The following RBFOX1 variants were observed in gnomAD, a reference collection of about 807,000 sequenced individuals.
RBFOX1 encodes the protein RNA binding fox-1 homolog 1.
Under a neutral mutation model 57.7 loss-of-function variants are expected in RBFOX1, and 8 were observed. That is an observed-to-expected ratio of 0.14 (90% CI 0.08 to 0.25). RBFOX1 has a LOEUF of 0.25. RBFOX1 is among the 10% of genes least tolerant of loss of function. The probability of loss-of-function intolerance (pLI) is 1.00; values close to 1 mark genes in which losing one functional copy is unlikely to be tolerated. For missense variants in RBFOX1, 611 were observed against 548.5 expected, an observed-to-expected ratio of 1.11 and a Z score of -1.14; for synonymous variants, 326 against 222.4, an observed-to-expected ratio of 1.47 and a Z score of -4.15.
intron 2 of RBFOX1, among the ~76,000 whole-genome samples, chr16:6,344,040 C>T (rs909306537): frequency 3.9e-5 from 6 of 152,018 alleles, no homozygotes; most frequent in African/African-American, 1.4e-4. Context: ...ATCAGTCCTT[C>T]TTCATCTCTA....
At chr16:7,232,879 G>T (rs1051639824) in intron 4 of RBFOX1, among the ~76,000 whole-genome samples, 9 of 149,904 alleles carry the variant, frequency 6.0e-5, no homozygotes, top group African/African-American at 2.0e-4. Flanking sequence ...AAAGAATGAG[G>T]TAACAGAAAC....
chr16:7,269,069 A>G (rs1393724297), intron 4 of RBFOX1, among the ~76,000 whole-genome samples: 1 of 143,776 alleles, frequency 7.0e-6, no homozygotes, highest in South Asian at 2.2e-4. Flanking sequence ...AAAAAAAAAA[A>G]AGAATCAGCC....
At chr16:6,773,567 T>G (rs961855811) in intron 3 of RBFOX1, among the ~76,000 whole-genome samples, 19 of 146,876 alleles carry the variant, frequency 1.3e-4, no homozygotes, top group African/African-American at 4.9e-4. Context: ...TGTGTGTATG[T>G]GTGGGTGTGG....
At position 6,246,270 on chromosome 16, in the gene RBFOX1, C is replaced by A. The variant is rs113970601; in HGVS notation, c.-126-70725C>A. ...GGAGTTTCTGGGACATTCTCTCTTG[C>A]CAATATCTACTTGTTTCCAGCTCTT... On this transcript the variant is annotated intron_variant, in intron 1 of 15. Transcript: ENST00000550418. Among the ~76,000 whole-genome samples the A allele has an allele frequency of 6.0e-3, 908 of 152,256 alleles. 10 individuals carry two copies. Among genetic ancestry groups the A allele is most frequent in the African/African-American group, 0.02 (844 of 41,538 alleles).
intron 1 of RBFOX1, among the ~76,000 whole-genome samples, chr16:6,049,392 A>G (rs1045383832): frequency 3.3e-5 from 5 of 152,192 alleles, no homozygotes; most frequent in African/African-American, 1.2e-4. Context: ...AGCCTGAAGA[A>G]TCACCTTCTT....
At chr16:7,482,381 T>A (rs966245794) in intron 4 of RBFOX1, among the ~76,000 whole-genome samples, 1 of 152,158 alleles carries the variant, frequency 6.6e-6, no homozygotes, top group Non-Finnish European at 1.5e-5. Flanking sequence ...TCCGCACAGC[T>A]GACAGTGATT....
At position 5,737,800 on chromosome 16, in the gene RBFOX1, T is replaced by C. The variant is rs148667435; in HGVS notation, c.319-129503T>C. Among the ~76,000 whole-genome samples the C allele has an allele frequency of 8.6e-4, 131 of 152,278 alleles. 1 individual carries two copies. Among genetic ancestry groups the C allele is most frequent in the African/African-American group, 2.9e-3 (120 of 41,572 alleles). On this transcript the variant is annotated intron_variant, in intron 3 of 19. Coordinates refer to the RBFOX1 transcript ENST00000641259. ...ATGACATGGAGTAATGTCTGAATTATATCTCAATAAAGTCTGGTTTTAAAA... is the reference window on the plus strand; with the variant it reads ...ATGACATGGAGTAATGTCTGAATTACATCTCAATAAAGTCTGGTTTTAAAA...
At chr16:5,304,433 G>A (rs922413935) in intron 1 of RBFOX1, among the ~76,000 whole-genome samples, 1 of 152,104 alleles carries the variant, frequency 6.6e-6, no homozygotes, top group Non-Finnish European at 1.5e-5. Flanking sequence ...AACCTGATTG[G>A]GGCAACTGCG....
In RBFOX1 at chr16:5,390,298, T is replaced by C. The variant is rs959443976; in HGVS notation, c.220-76918T>C. On this transcript the variant is annotated intron_variant, in intron 1 of 2. Transcript: ENST00000585867. ...AAAAGTAGTTTTTTTTTTCTTTTTT[T>C]TTTTTTTTTAAAGACAGTGTTGCTG... Among the ~76,000 whole-genome samples the C allele has an allele frequency of 5.9e-5, 9 of 151,376 alleles. No homozygotes were observed. The South Asian group carries it at 8.3e-4, about 14-fold the overall frequency.
chr16:5,867,317 G>A, exon 4 of RBFOX1: 1 of 1,210,702 alleles, frequency 8.3e-7, no homozygotes, highest in African/African-American at 1.6e-5. Context: ...CGGCAAGTCA[G>A]GCTACAGGCA....
intron 4 of RBFOX1, among the ~76,000 whole-genome samples, chr16:6,012,664 C>T (rs757381420): frequency 1.3e-5 from 2 of 152,174 alleles, no homozygotes; most frequent in Non-Finnish European, 2.9e-5. Context: ...ACAGGGAATG[C>T]AGCAGTATGG....
At chr16:5,677,975 T>G (rs1401095010) in intron 3 of RBFOX1, among the ~76,000 whole-genome samples, 2 of 152,248 alleles carry the variant, frequency 1.3e-5, no homozygotes, top group Non-Finnish European at 2.9e-5. Flanking sequence ...ATGCTCATGG[T>G]GGAGCACCGT....
At chr16:6,724,398 C>G (rs1055422449) in intron 3 of RBFOX1, among the ~76,000 whole-genome samples, 1 of 151,894 alleles carries the variant, frequency 6.6e-6, no homozygotes, top group African/African-American at 2.4e-5. Context: ...TTAGTAGAGA[C>G]AGGTTTCACC....
chr16:6,673,199 G>T (rs2098778608), intron 3 of RBFOX1, among the ~76,000 whole-genome samples: 1 of 152,250 alleles, frequency 6.6e-6, no homozygotes, highest in South Asian at 2.1e-4. Flanking sequence ...GCTCCTTCCA[G>T]AGTAGTCTTC....
chr16:7,581,785 C>T lies in RBFOX1; in HGVS notation c.414+1865C>T, dbSNP rs562494026. On this transcript the variant is annotated intron_variant, in intron 6 of 15. Coordinates refer to ENST00000550418, the MANE Select transcript of RBFOX1 (RefSeq NM_018723.4). The stretch of plus-strand genomic sequence containing the variant: ...AGGCTAGAGTGCAGTGGTGTGATCA[C>T]GGCTCACTGCAAATTCTTGGGCTCA... Among the ~76,000 whole-genome samples the T allele has an allele frequency of 7.2e-5, 11 of 152,188 alleles. 1 individual carries two copies. In the South Asian group the frequency reaches 1.0e-3, roughly 14 times the overall value.
intron 3 of RBFOX1, among the ~76,000 whole-genome samples, chr16:6,935,352 C>G (rs1403438145): frequency 1.3e-5 from 2 of 152,142 alleles, no homozygotes; most frequent in African/African-American, 4.8e-5. Flanking sequence ...CCTCATCTCC[C>G]TCCCCATGAA....
intron 2 of RBFOX1, among the ~76,000 whole-genome samples, chr16:6,339,595 C>T (rs887429027): frequency 2.6e-5 from 4 of 152,170 alleles, no homozygotes; most frequent in African/African-American, 9.7e-5. Flanking sequence ...TGGTTGGCAT[C>T]AGCTGTTTCA....
At chr16:6,736,747 A>G (rs1410051604) in intron 3 of RBFOX1, among the ~76,000 whole-genome samples, 1 of 152,210 alleles carries the variant, frequency 6.6e-6, no homozygotes, top group Non-Finnish European at 1.5e-5. Flanking sequence ...TGGGAAAACC[A>G]GTTTAGAAGG....
chr16:6,646,732 T>C (rs931726941), intron 2 of RBFOX1, among the ~76,000 whole-genome samples: 1 of 152,172 alleles, frequency 6.6e-6, no homozygotes, highest in African/African-American at 2.4e-5. Context: ...AAAAGTAATC[T>C]GTGATTTTCA....
Sources: allele counts gnomAD v4.1 joint callset (sites outside exome capture counted in the v4.1 genomes callset), GRCh38; gene constraint gnomAD v4.1.1; transcripts MANE v1.5; gene names NCBI Gene and HGNC (gene_info 2026-07-23, HGNC 2026-07-21).